PCGF5: variants seen among roughly 807,000 people sequenced by gnomAD.
The protein encoded by PCGF5 is polycomb group RING finger protein 5.
Under a neutral mutation model 44.3 loss-of-function variants are expected in PCGF5, and 9 were observed. The ratio of observed to expected loss-of-function variants is 0.20; its 90% CI spans 0.12 to 0.35. The LOEUF (loss-of-function observed/expected upper bound fraction) is 0.35. Among genes scored for constraint, PCGF5 ranks in the 10% least tolerant of loss-of-function variants. The pLI is 1.00. For synonymous variants in PCGF5, 95 were observed against 102.5 expected (o/e 0.93, Z 0.44); for missense variants, 146 against 305.3 (o/e 0.48, Z 3.89).
chr10:91,255,026 A>G (rs1303600413), intron 6 of PCGF5, among the ~76,000 whole-genome samples: 1 of 152,068 alleles, frequency 6.6e-6, no homozygotes, highest in Non-Finnish European at 1.5e-5. Flanking sequence ...AAGGGAAAGA[A>G]CAGAGGTAGA....
chr10:91,226,537 G>T (rs1326239729), intron 2 of PCGF5, among the ~76,000 whole-genome samples: 1 of 152,130 alleles, frequency 6.6e-6, no homozygotes, highest in Non-Finnish European at 1.5e-5. Context: ...GCTTTGATAT[G>T]GGTAAATGAA....
At chr10:91,233,435 G>A (rs1352592670) in intron 2 of PCGF5, among the ~76,000 whole-genome samples, 4 of 152,128 alleles carry the variant, frequency 2.6e-5, no homozygotes, top group African/African-American at 9.7e-5. Flanking sequence ...AAAAAATAAA[G>A]TGTTGTACTC....
chr10:91,195,794 C>G (rs1291015284), intron 1 of PCGF5, among the ~76,000 whole-genome samples: 1 of 151,574 alleles, frequency 6.6e-6, no homozygotes, highest in Non-Finnish European at 1.5e-5. Context: ...TTTAAAGTAG[C>G]AGAGCCTAGA....
intron 7 of PCGF5, among the ~76,000 whole-genome samples, chr10:91,262,736 GA>G (rs1845953138): frequency 6.6e-6 from 1 of 152,028 alleles, no homozygotes; most frequent in Non-Finnish European, 1.5e-5. Context: ...TTTGTATTAG[GA>G]AAAAATTATG....
At chr10:91,215,192 A>G (rs1435923610), upstream of PCGF5, among the ~76,000 whole-genome samples, 3 of 152,242 alleles carry the variant, frequency 2.0e-5, no homozygotes, top group Non-Finnish European at 4.4e-5. Flanking sequence ...AAAAGCATAA[A>G]TGAATACATG....
rs960184128 is a variant in PCGF5 at position 91,205,973 on chromosome 10, G to T, written c.-183-16716G>T. Among the ~76,000 whole-genome samples the T allele has an allele frequency of 5.3e-5, 8 of 152,244 alleles. No individual in the cohort carries two copies. In the East Asian group the frequency reaches 1.2e-3, roughly 22 times the overall value. On this transcript the variant is annotated intron_variant, in intron 1 of 9. Transcript: ENST00000614189. ...GGAGGCACAGGTTTCAGTGAGCTGA[G>T]ATCACACCACTGCACTCCGACCTGG... is the stretch of plus-strand genomic sequence containing the variant.
intron 6 of PCGF5, among the ~76,000 whole-genome samples, chr10:91,257,493 A>G (rs755017221): frequency 2.0e-4 from 30 of 151,914 alleles, no homozygotes; most frequent in Admixed American, 6.6e-4. Flanking sequence ...CAAGACCCCC[A>G]GGGGATGTTG....
At chr10:91,177,326 G>A (rs1226034957) in intron 1 of PCGF5, among the ~76,000 whole-genome samples, 1 of 152,230 alleles carries the variant, frequency 6.6e-6, no homozygotes, top group East Asian at 1.9e-4. Flanking sequence ...ACTGGGGGAT[G>A]CCTTCCAGTT....
intron 1 of PCGF5, among the ~76,000 whole-genome samples, chr10:91,165,013 T>C (rs1430413865): frequency 2.0e-5 from 3 of 152,218 alleles, no homozygotes; most frequent in Non-Finnish European, 2.9e-5. Flanking sequence ...ACACTTAGTA[T>C]TTGTTGAATC....
At chr10:91,160,467 A>G (rs1212690436), upstream of PCGF5, among the ~76,000 whole-genome samples, 1 of 151,900 alleles carries the variant, frequency 6.6e-6, no homozygotes, top group African/African-American at 2.4e-5. Context: ...GAGTGAGATG[A>G]AGATTAAATG....
intron 9 of PCGF5, among the ~76,000 whole-genome samples, chr10:91,274,057 T>A (rs1372805313): frequency 6.6e-6 from 1 of 151,992 alleles, no homozygotes; most frequent in African/African-American, 2.4e-5. Context: ...TTTGCCACAT[T>A]TTTTGCCTCC....
intron 2 of PCGF5, among the ~76,000 whole-genome samples, chr10:91,233,231 C>T (rs1199337221): frequency 6.6e-6 from 1 of 152,068 alleles, no homozygotes; most frequent in Non-Finnish European, 1.5e-5. Flanking sequence ...ACCTAGGGGT[C>T]CCACTCGACT....
chr10:91,164,970 C>T (rs1324342239), intron 1 of PCGF5, among the ~76,000 whole-genome samples: 2 of 152,208 alleles, frequency 1.3e-5, no homozygotes, highest in Admixed American at 6.5e-5. Flanking sequence ...TGCTATAACC[C>T]TAGCACCTAG....
chr10:91,183,369 G>T (rs543528999), intron 1 of PCGF5, among the ~76,000 whole-genome samples: 35 of 149,912 alleles, frequency 2.3e-4, no homozygotes, highest in African/African-American at 8.1e-4. Flanking sequence ...TTTAATCTTT[G>T]TTGTTTTAAA....
chr10:91,264,542 C>A (rs373595783), intron 8 of PCGF5, 22 bp downstream of exon 8: 140 of 1,537,330 alleles, frequency 9.1e-5, no homozygotes, highest in Admixed American at 2.4e-4. Context: ...TTATATTTAC[C>A]TATGTGTTTA....
At chr10:91,188,879 G>C (rs1187672575) in intron 1 of PCGF5, among the ~76,000 whole-genome samples, 1 of 152,210 alleles carries the variant, frequency 6.6e-6, no homozygotes, top group African/African-American at 2.4e-5. Context: ...CTGAGATGGA[G>C]CATCAGGAAA....
At chr10:91,245,414 G>A (rs1845434644) in intron 3 of PCGF5, among the ~76,000 whole-genome samples, 1 of 151,816 alleles carries the variant, frequency 6.6e-6, no homozygotes, top group Admixed American at 6.6e-5. Context: ...GGAGGGAGAG[G>A]AATTAGCAAC....
At chr10:91,175,491 C>T (rs966769355) in intron 1 of PCGF5, among the ~76,000 whole-genome samples, 22 of 152,182 alleles carry the variant, frequency 1.4e-4, no homozygotes, top group South Asian at 1.2e-3. Context: ...ATTTTTTCTA[C>T]AGTGAACCCA....
intron 1 of PCGF5, among the ~76,000 whole-genome samples, chr10:91,198,704 C>T (rs1844191994): frequency 6.6e-6 from 1 of 152,226 alleles, no homozygotes; most frequent in South Asian, 2.1e-4. Context: ...TATTCAGTAG[C>T]ATTGAATCAA....
Sources: allele counts gnomAD v4.1 joint callset (sites outside exome capture counted in the v4.1 genomes callset), GRCh38; gene constraint gnomAD v4.1.1; transcripts MANE v1.5; gene names NCBI Gene and HGNC (gene_info 2026-07-23, HGNC 2026-07-21).